TMEM132A: variants seen among roughly 807,000 people sequenced by gnomAD.
TMEM132A encodes the protein GRP78-binding protein.
A neutral mutation model predicts 69.9 loss-of-function variants in TMEM132A; 48 were observed. The ratio of observed to expected loss-of-function variants is 0.69; its 90% CI spans 0.55 to 0.87. TMEM132A has a LOEUF of 0.87. Ranked by LOEUF, TMEM132A falls within the 40% of genes least tolerant of loss-of-function variation. The pLI, the probability that TMEM132A is intolerant of heterozygous loss-of-function variation, is 0.00. For synonymous variants in TMEM132A, 577 were observed against 613.7 expected (o/e 0.94, Z 0.88); for missense variants, 1,287 against 1,407.2 (o/e 0.91, Z 1.37).
chr11:60,936,563 G>T lies in TMEM132A; in HGVS notation c.2728G>T (p.Asp910Tyr). 1 of 1,609,858 alleles carries T rather than the reference G, an allele frequency of 6.2e-7. No homozygotes were observed. The highest frequency in any genetic ancestry group is 8.5e-7 in the Non-Finnish European group (1 of 1,178,254). The change falls in exon 11 of 11, where the codon GAC (aspartate) becomes TAC (tyrosine). Residue 910 changes from aspartate (D) to tyrosine (Y), a missense_variant. Transcript: ENST00000453848. Reference sequence around the variant, plus strand: ...CCAGGAGGAACTGAGCCGCCAGCTGGACCGGCAGTCCCCTGGCCCGCCCAA... The same window carrying T: ...CCAGGAGGAACTGAGCCGCCAGCTGTACCGGCAGTCCCCTGGCCCGCCCAA... ...TDQEELSRQL[D>Y]RQSPGPPKGE...
rs1393792378 is a variant in TMEM132A at position 60,927,219 on chromosome 11, C to T, written c.116C>T (p.Ala39Val). The change falls in exon 2 of 11, where the codon GCT (alanine) becomes GTT (valine). Residue 39 changes from alanine (A) to valine (V), a missense_variant. Ala to Val is a moderately conservative substitution (Grantham distance 64). Transcript: ENST00000453848. Reference sequence around the variant, plus strand: ...GCCTCTTCAGTGGACTGTGGCCAGGCTCCCCTGGACCCTGTCTACCTGCCG... The same window carrying T: ...GCCTCTTCAGTGGACTGTGGCCAGGTTCCCCTGGACCCTGTCTACCTGCCG... ...LDVVRVDCGQ[A>V]PLDPVYLPAA... 12 of 1,613,044 alleles carry T rather than the reference C, an allele frequency of 7.4e-6. No homozygotes were observed. The highest frequency in any genetic ancestry group is 1.1e-5 in the South Asian group (1 of 91,080).
intron 1 of TMEM132A, among the ~76,000 whole-genome samples, chr11:60,926,268 C>T (rs762248464): frequency 1.0e-3 from 152 of 152,264 alleles, no homozygotes; most frequent in Non-Finnish European, 1.9e-3. Flanking sequence ...GCCGGATGGT[C>T]TAGTGGCTAA....
rs765770473 is a variant in TMEM132A at position 60,927,807 on chromosome 11, G to A, written c.482G>A (p.Arg161Gln). Residue 161 changes from arginine (R) to glutamine (Q), a missense_variant, in exon 3 of 11, where the codon CGG (arginine) becomes CAG (glutamine). By Grantham distance (43) the Arg-to-Gln change is conservative. Transcript: ENST00000453848. ...PPGSGSLPCA[R>Q]LHATHPAGTA... ...GGGTCTGGCAGCCTGCCCTGTGCCC[G>A]GCTCCATGCCACACACCCTGCCGGC... is the stretch of plus-strand genomic sequence containing the variant. 25 of 1,612,112 alleles carry A rather than the reference G, an allele frequency of 1.6e-5. No individual in the cohort carries two copies. Among genetic ancestry groups the A allele is most frequent in the East Asian group, 2.2e-5 (1 of 44,898 alleles).
Position 60,927,235 on chromosome 11 carries a change from C to A in TMEM132A, c.132C>A (p.Val44=), listed in dbSNP as rs763771808. 5.6e-6 allele frequency: 9 copies of A among 1,613,584 alleles called. No individual in the cohort carries two copies. The highest frequency in any genetic ancestry group is 3.3e-5 in the Admixed American group (2 of 60,028). Residue 44 remains valine, a synonymous_variant, in exon 2 of 11, where the codon GTC becomes GTA. Transcript: ENST00000453848. ...GTGGCCAGGCTCCCCTGGACCCTGT[C>A]TACCTGCCGGCAGCCCTGGAGCTCC... ...VDCGQAPLDP[V]YLPAALELLD...
rs1384531494 is a variant in TMEM132A at position 60,935,590 on chromosome 11, C to T, written c.2028+147C>T. ...ACTCTGTGAGGTAGTGAGCTCTCTG[C>T]AGCTGGAGGTGATCAAGCAGTGGCT... On this transcript the variant is annotated intron_variant, in intron 10 of 10. Coordinates refer to ENST00000453848, the MANE Select transcript of TMEM132A (RefSeq NM_178031.3). The surrounding 1 kb of genome is among the most constrained non-coding windows in gnomAD (Gnocchi z 5.0). 3.3e-6 allele frequency: 3 copies of T among 922,658 alleles called. No homozygotes were observed. Among genetic ancestry groups the T allele is most frequent in the South Asian group, 3.4e-5 (2 of 58,334 alleles). 57.2% of individuals were successfully genotyped at this position (922,658 alleles called of 1,614,324 possible).
At position 60,934,615 on chromosome 11, in the gene TMEM132A, C is replaced by CGCCGCCTCACGCACCT. The variant is rs2082392181; in HGVS notation, c.1690_1705dup (p.Leu569ProfsTer49). 2.5e-6 allele frequency: 4 copies of CGCCGCCTCACGCACCT among 1,582,074 alleles called. No homozygotes were observed. Among genetic ancestry groups the CGCCGCCTCACGCACCT allele is most frequent in the Non-Finnish European group, 3.4e-6 (4 of 1,172,836 alleles). On this transcript the variant is annotated frameshift_variant, in exon 9 of 11. Transcript: ENST00000453848. LOFTEE classifies it high-confidence loss of function. ...CGCGGCCCACCCGCTGGACGGCGGCCGCCGCCTCACGCACCTGCTTGGCCC... is the reference window on the plus strand; with the variant it reads ...CGCGGCCCACCCGCTGGACGGCGGCCGCCGCCTCACGCACCTGCCGCCTCACGCACCTGCTTGGCCC...
At chr11:60,926,798 C>A (rs1326966887) in intron 1 of TMEM132A, among the ~76,000 whole-genome samples, 1 of 152,184 alleles carries the variant, frequency 6.6e-6, no homozygotes, top group East Asian at 1.9e-4. Context: ...AGAGAAAGCT[C>A]ACTTCATTAC....
Position 60,928,898 on chromosome 11 carries a change from C to A in TMEM132A, c.804C>A (p.Gly268=), listed in dbSNP as rs1415583562. ...TGCCTGACATGCCAGTGCGGCCCGG[C>A]CAGCTCTTTAGTGCTACCCTCCTGC... is the stretch of plus-strand genomic sequence containing the variant. ...LRVPDMPVRP[G]QLFSATLLLR... Residue 268 remains glycine (G), a synonymous_variant, in exon 4 of 11, where the codon GGC becomes GGA. Coordinates refer to ENST00000453848, the MANE Select transcript of TMEM132A (RefSeq NM_178031.3). The A allele has an allele frequency of 1.9e-6, 3 of 1,612,808 alleles. No individual in the cohort carries two copies. In the Admixed American group the frequency reaches 5.0e-5, roughly 27 times the overall value.
Position 60,935,722 on chromosome 11 carries a change from T to C in TMEM132A, c.2029-142T>C. On this transcript the variant is annotated intron_variant, in intron 10 of 10. Coordinates refer to ENST00000453848, the MANE Select transcript of TMEM132A (RefSeq NM_178031.3). The surrounding 1 kb of genome is among the most constrained non-coding windows in gnomAD (Gnocchi z 5.0). Reference sequence around the variant, plus strand: ...ACAGGTGATTGACACGCGTCCCCTCTCTCCCTGTGTTTTGTCTATCTGCCT... The same window carrying C: ...ACAGGTGATTGACACGCGTCCCCTCCCTCCCTGTGTTTTGTCTATCTGCCT... The C allele has an allele frequency of 9.7e-7, 1 of 1,031,248 alleles. No individual in the cohort carries two copies. Among genetic ancestry groups the C allele is most frequent in the Non-Finnish European group, 1.4e-6 (1 of 701,234 alleles). 63.9% of individuals were successfully genotyped at this position (1,031,248 alleles called of 1,614,324 possible). A position where few individuals can be genotyped will look rare whatever the true frequency, so the allele number is the denominator to read the frequency against.
chr11:60,925,998 G>A (rs906792369), intron 1 of TMEM132A: 1 of 152,190 alleles, frequency 6.6e-6, no homozygotes, highest in Non-Finnish European at 1.5e-5. Context: ...ATTCCAGGAT[G>A]AGCAAGACAG....
Position 60,936,979 on chromosome 11 carries a change from C to A in TMEM132A, c.*72C>A. On this transcript the variant is annotated 3_prime_UTR_variant, in exon 11 of 11. Transcript: ENST00000453848. ...GAGGTCCCACTGAGCCTCTCGCCTGCCCCCGCCACTCGTCTGGTGCTTGTT... is the reference window on the plus strand; with the variant it reads ...GAGGTCCCACTGAGCCTCTCGCCTGACCCCGCCACTCGTCTGGTGCTTGTT... The A allele has an allele frequency of 5.9e-6, 8 of 1,359,458 alleles. No individual in the cohort carries two copies. Among genetic ancestry groups the A allele is most frequent in the Non-Finnish European group, 5.9e-6 (6 of 1,024,280 alleles). The allele number at this position is 1,359,458 out of a possible 1,614,324, so 84.2% of individuals were successfully genotyped here.
intron 1 of TMEM132A, 125 bp from the exon 2 acceptor site, chr11:60,927,079 G>A (rs762080198): frequency 3.8e-6 from 3 of 792,806 alleles, no homozygotes; most frequent in African/African-American, 1.7e-5. Context: ...TGGTGAGAGG[G>A]GAAGGGACAT....
At chr11:60,926,977 A>G (rs1856359478) in intron 1 of TMEM132A, 1 of 600,140 alleles carries the variant, frequency 1.7e-6, no homozygotes, top group Non-Finnish European at 3.0e-6. Flanking sequence ...GCTGGGAAGC[A>G]TCCAGTCCTG....
rs61745629 is a variant in TMEM132A, at chr11:60,932,061, C to T, written c.1290C>T (p.Gly430=). 0.014 allele frequency: 22,452 copies of T among 1,588,980 alleles called. 214 individuals are homozygous for T. The highest frequency in any genetic ancestry group is 0.017 in the Non-Finnish European group (20,190 of 1,168,676). ...HVPVRLVTVD[G]GGALVEVTEH... The stretch of plus-strand genomic sequence containing the variant: ...CCGTGCGCCTTGTCACTGTGGACGG[C>T]GGGGGGGCCTTGGTGGAGGTGACAG... Residue 430 remains glycine, a synonymous_variant, in exon 7 of 11, where the codon GGC becomes GGT. Transcript: ENST00000453848.
intron 1 of TMEM132A, 60 bp downstream of exon 1, chr11:60,924,793 T>C: frequency 8.0e-7 from 1 of 1,248,398 alleles, no homozygotes; most frequent in Non-Finnish European, 1.1e-6. Context: ...TGGGAGCGAG[T>C]GATGCCCGGG....
rs1590630976 is a variant in TMEM132A, at chr11:60,935,635, T to C, written c.2028+192T>C. 1.3e-6 allele frequency: 1 copy of C among 783,750 alleles called. No homozygotes were observed. The highest frequency in any genetic ancestry group is 2.8e-5 in the Admixed American group (1 of 35,168). The allele number at this position is 783,750 out of a possible 1,614,324, so 48.5% of individuals were successfully genotyped here. A position where few individuals can be genotyped will look rare whatever the true frequency, so the allele number is the denominator to read the frequency against. ...GTGGCTGGAGTATGGCAGTGGGAGGTTGGTTAGATGGCTCTAACTGAGGAC... is the reference window on the plus strand; with the variant it reads ...GTGGCTGGAGTATGGCAGTGGGAGGCTGGTTAGATGGCTCTAACTGAGGAC... On this transcript the variant is annotated intron_variant, in intron 10 of 10. Coordinates refer to ENST00000453848, the MANE Select transcript of TMEM132A (RefSeq NM_178031.3). The surrounding 1 kb of genome is among the most constrained non-coding windows in gnomAD (Gnocchi z 5.0).
chr11:60,930,496 ACT>A lies in TMEM132A; in HGVS notation c.867-9_867-8del. On this transcript the variant is annotated splice_polypyrimidine_tract_variant and intron_variant, in intron 4 of 10. Coordinates refer to ENST00000453848, the MANE Select transcript of TMEM132A (RefSeq NM_178031.3). ...ATGCACCTTGCCAAACTGAGCCTAT[ACT>A]CTCTTCCCCAGGATCAAGGTGAAGA... is the stretch of plus-strand genomic sequence containing the variant. 1 of 1,587,990 alleles carries A rather than the reference ACT, an allele frequency of 6.3e-7. No homozygotes were observed. Among genetic ancestry groups the A allele is most frequent in the Non-Finnish European group, 8.6e-7 (1 of 1,166,788 alleles).
chr11:60,935,719 C>G lies in TMEM132A; in HGVS notation c.2029-145C>G, dbSNP rs970723256. 6 of 1,015,698 alleles carry G rather than the reference C, an allele frequency of 5.9e-6. No individual in the cohort carries two copies. Among genetic ancestry groups the G allele is most frequent in the Non-Finnish European group, 8.7e-6 (6 of 687,966 alleles). 62.9% of individuals were successfully genotyped at this position (1,015,698 alleles called of 1,614,324 possible). A position where few individuals can be genotyped will look rare whatever the true frequency, so the allele number is the denominator to read the frequency against. On this transcript the variant is annotated intron_variant, in intron 10 of 10. Coordinates refer to ENST00000453848, the MANE Select transcript of TMEM132A (RefSeq NM_178031.3). This position sits in a 1 kb window ranked among gnomAD's most constrained non-coding sequence, Gnocchi z 5.0. The stretch of plus-strand genomic sequence containing the variant: ...CAGACAGGTGATTGACACGCGTCCC[C>G]TCTCTCCCTGTGTTTTGTCTATCTG...
intron 4 of TMEM132A, 29 bp downstream of exon 4, chr11:60,928,989 G>A (rs199616183): frequency 6.2e-7 from 1 of 1,608,492 alleles, no homozygotes; most frequent in African/African-American, 1.3e-5. Context: ...GGATGGGTGA[G>A]GGTGGGAACC....
Sources: gnomAD v4.1 joint callset for allele counts (sites outside exome capture counted in the v4.1 genomes callset) on GRCh38, gnomAD v4.1.1 for gene constraint, Gnocchi (gnomAD v3.1) non-coding constraint, MANE v1.5 for transcripts, NCBI Gene and HGNC (gene_info 2026-07-23, HGNC 2026-07-21) for gene names.